The following TTLL5 variants were observed in gnomAD, a reference collection of about 807,000 sequenced individuals.
TTLL5 encodes the protein tubulin polyglutamylase TTLL5.
In TTLL5, 132 loss-of-function variants were observed where a neutral mutation model predicts 168.4. That is an observed-to-expected ratio of 0.78 (90% CI 0.68 to 0.91). TTLL5 has a LOEUF of 0.91. TTLL5 is among the 40% of genes least tolerant of loss of function. TTLL5 has a pLI of 0.00. For synonymous variants in TTLL5, 546 were observed against 558.6 expected (o/e 0.98, Z 0.32); for missense variants, 1,545 against 1,581.5 (o/e 0.98, Z 0.39).
chr14:75,695,999 T>G (rs1273302274), intron 6 of TTLL5, among the ~76,000 whole-genome samples: 1 of 148,090 alleles, frequency 6.8e-6, no homozygotes, highest in Non-Finnish European at 1.5e-5. Context: ...TCATGTAATC[T>G]GCCCACCTCA....
intron 31 of TTLL5, among the ~76,000 whole-genome samples, chr14:75,952,476 A>C (rs2034991786): frequency 6.6e-6 from 1 of 152,212 alleles, no homozygotes; most frequent in Non-Finnish European, 1.5e-5. Flanking sequence ...AGTTTACGTG[A>C]AGAGTTGCCA....
At chr14:75,906,720 C>A (rs965653227) in intron 31 of TTLL5, 1 of 985,490 alleles carries the variant, frequency 1.0e-6, no homozygotes, top group African/African-American at 1.7e-5. Context: ...TTTTCACTTG[C>A]TGACTTTATA....
At chr14:75,817,947 C>T (rs901447981) in intron 27 of TTLL5, among the ~76,000 whole-genome samples, 3 of 148,146 alleles carry the variant, frequency 2.0e-5, no homozygotes, top group African/African-American at 5.0e-5. Context: ...ACACCATTCT[C>T]CTGCCTCAGC....
chr14:75,944,989 C>T (rs2034723115), intron 31 of TTLL5, among the ~76,000 whole-genome samples: 1 of 151,962 alleles, frequency 6.6e-6, no homozygotes. Flanking sequence ...CTCCCAAGTG[C>T]TAGCAGACCA....
At chr14:75,877,100 A>G (rs571869080) in intron 29 of TTLL5, among the ~76,000 whole-genome samples, 2 of 152,316 alleles carry the variant, frequency 1.3e-5, no homozygotes, top group Non-Finnish European at 2.9e-5. Context: ...TTAGAGTACA[A>G]GGGTCACAAA....
At chr14:75,863,932 AAAG>A in intron 29 of TTLL5, 70 bp downstream of exon 29, 1 of 1,287,354 alleles carries the variant, frequency 7.8e-7, no homozygotes. Flanking sequence ...AAAAAAAAAA[AAAG>A]GTCAGTGAAT....
At chr14:75,811,151 GAA>G (rs1566614190) in intron 27 of TTLL5, among the ~76,000 whole-genome samples, 4 of 116,216 alleles carry the variant, frequency 3.4e-5, no homozygotes, top group Non-Finnish European at 7.0e-5. Flanking sequence ...GGGAATGAAA[GAA>G]AGAGTGTGTG....
At chr14:75,883,514 C>T (rs2031931331) in intron 30 of TTLL5, among the ~76,000 whole-genome samples, 1 of 152,184 alleles carries the variant, frequency 6.6e-6, no homozygotes, top group Non-Finnish European at 1.5e-5. Context: ...GCATTGCCTG[C>T]TGTGTTTTTG....
intron 31 of TTLL5, among the ~76,000 whole-genome samples, chr14:75,924,536 C>CTTTTT (rs1426589870): frequency 6.6e-6 from 1 of 151,908 alleles, no homozygotes; most frequent in African/African-American, 2.4e-5. Flanking sequence ...ACATCTTGCA[C>CTTTTT]CACCCTTAAT....
At chr14:75,779,446 A>G in intron 23 of TTLL5, 129 bp from the exon 24 acceptor site, 2 of 1,301,030 alleles carry the variant, frequency 1.5e-6, no homozygotes, top group East Asian at 2.5e-5. Context: ...CCACCTATTA[A>G]TAGGGAATTT....
chr14:75,928,704 G>A (rs1033448405), intron 31 of TTLL5, among the ~76,000 whole-genome samples: 2 of 152,034 alleles, frequency 1.3e-5, no homozygotes, highest in African/African-American at 4.8e-5. Context: ...CCTGGTGATC[G>A]CAGGGCACAA....
At chr14:75,811,480 T>C (rs1477312630) in intron 27 of TTLL5, among the ~76,000 whole-genome samples, 1 of 152,220 alleles carries the variant, frequency 6.6e-6, no homozygotes, top group Non-Finnish European at 1.5e-5. Flanking sequence ...GATGCCATTT[T>C]TTAATTTCTT....
chr14:75,817,238 A>G (rs1039011522), intron 27 of TTLL5, among the ~76,000 whole-genome samples: 2 of 151,772 alleles, frequency 1.3e-5, no homozygotes, highest in Non-Finnish European at 2.9e-5. Context: ...TTGGCCTCCC[A>G]AAGTGCTGGG....
At chr14:75,945,213 ATATAT>A (rs964956450) in intron 31 of TTLL5, among the ~76,000 whole-genome samples, 3 of 147,958 alleles carry the variant, frequency 2.0e-5, no homozygotes, top group Non-Finnish European at 4.5e-5. Context: ...TATATATTAC[ATATAT>A]TATTTTATAA....
At chr14:75,745,352 A>G in intron 16 of TTLL5, 138 bp from the exon 17 acceptor site, 1 of 1,191,492 alleles carries the variant, frequency 8.4e-7, no homozygotes. Context: ...TTCTCAGGGA[A>G]GAACATTTTA....
chr14:75,692,848 C>T lies in TTLL5; in HGVS notation c.502+2526C>T, dbSNP rs1302749303. Among the ~76,000 whole-genome samples the T allele has an allele frequency of 3.9e-5, 6 of 152,078 alleles. No homozygotes were observed. In the East Asian group the frequency reaches 9.7e-4, roughly 24 times the overall value. The stretch of plus-strand genomic sequence containing the variant: ...TTGGACAGGGTATGGATTTGGATGT[C>T]GATGGGGCATCCAGGTAGTGTGTTT... On this transcript the variant is annotated intron_variant, in intron 6 of 31. Coordinates refer to ENST00000298832, the MANE Select transcript of TTLL5 (RefSeq NM_015072.5).
At chr14:75,825,169 G>C (rs1434467758) in intron 28 of TTLL5, among the ~76,000 whole-genome samples, 2 of 151,984 alleles carry the variant, frequency 1.3e-5, no homozygotes, top group Non-Finnish European at 2.9e-5. Flanking sequence ...TTACTTTTTT[G>C]GTGTAGGTTT....
chr14:75,784,957 T>TGTAAC (rs1271179406), intron 26 of TTLL5, among the ~76,000 whole-genome samples: 3 of 152,184 alleles, frequency 2.0e-5, no homozygotes, highest in African/African-American at 7.2e-5. Flanking sequence ...TATTGTTGAA[T>TGTAAC]GTAAATGTTC....
intron 31 of TTLL5, among the ~76,000 whole-genome samples, chr14:75,949,359 T>C (rs1325283673): frequency 1.3e-5 from 2 of 148,488 alleles, no homozygotes; most frequent in Non-Finnish European, 1.5e-5. Context: ...AATATATATA[T>C]GTATTCTTTA....
Sources: gnomAD v4.1 joint callset for allele counts (sites outside exome capture counted in the v4.1 genomes callset) on GRCh38, gnomAD v4.1.1 for gene constraint, MANE v1.5 for transcripts, NCBI Gene and HGNC (gene_info 2026-07-23, HGNC 2026-07-21) for gene names.